Variants in FRMPD4 observed in about 807,000 individuals in gnomAD.
FRMPD4 encodes FERM and PDZ domain-containing protein 4.
FRMPD4 carries 22 observed loss-of-function variants against 94.1 expected under a neutral mutation model. That is an observed-to-expected ratio of 0.23 (90% CI 0.17 to 0.33). The LOEUF (loss-of-function observed/expected upper bound fraction) is 0.33, where lower values mean the gene tolerates loss of function less well. FRMPD4 is among the 10% of genes least tolerant of loss of function. The pLI is 1.00. For missense variants in FRMPD4, 1,111 were observed against 1,339.9 expected, an observed-to-expected ratio of 0.83 and a Z score of 2.67; for synonymous variants, 631 against 548.6, an observed-to-expected ratio of 1.15 and a Z score of -2.10.
intron 3 of FRMPD4, among the ~76,000 whole-genome samples, chrX:12,019,327 G>A (rs1172475899): frequency 1.8e-5 from 2 of 109,968 alleles, no homozygotes; most frequent in Non-Finnish European, 3.8e-5. Context: ...TTAATTCACA[G>A]CTAAACCACC....
chrX:12,203,003 C>T (rs999168384), intron 1 of FRMPD4, among the ~76,000 whole-genome samples: 1 of 111,940 alleles, frequency 8.9e-6, no homozygotes, highest in African/African-American at 3.3e-5. Flanking sequence ...GGCTTCCATA[C>T]TGTGAGAGAA....
chrX:12,373,346 T>C (rs910778403), intron 1 of FRMPD4: 2 of 112,324 alleles, frequency 1.8e-5, no homozygotes, highest in African/African-American at 6.5e-5. Flanking sequence ...CTCCCTTTTT[T>C]GCATTTTAAT....
chrX:11,956,921 T>G (rs1254794161), intron 3 of FRMPD4, among the ~76,000 whole-genome samples: 1 of 111,862 alleles, frequency 8.9e-6, no homozygotes, highest in Non-Finnish European at 1.9e-5. Context: ...CTAACTATAC[T>G]CACAAGAGGC....
chrX:12,521,771 T>C (rs1200090252), intron 2 of FRMPD4, among the ~76,000 whole-genome samples: 1 of 111,655 alleles, frequency 9.0e-6, no homozygotes, highest in Non-Finnish European at 1.9e-5. Flanking sequence ...AGTTTAAAGA[T>C]CTTCAGAATC....
intron 4 of FRMPD4, among the ~76,000 whole-genome samples, chrX:12,634,417 C>T (rs1295765199): frequency 3.6e-5 from 4 of 111,826 alleles, no homozygotes; most frequent in African/African-American, 9.7e-5. Context: ...GTTAAATCAA[C>T]GATATTAGAG....
At chrX:12,698,799 G>A (rs1043203668) in intron 9 of FRMPD4, among the ~76,000 whole-genome samples, 1 of 111,145 alleles carries the variant, frequency 9.0e-6, no homozygotes, top group African/African-American at 3.3e-5. Context: ...TAATAGTGAT[G>A]GCTAATCTTT....
rs781596223 is a variant in FRMPD4 at position 12,002,908 on chromosome X, G to A, written c.95+124890G>A. On this transcript the variant is annotated intron_variant, in intron 3 of 18. Transcript: ENST00000640291. ...CTTGCTGCTGTAGACACAAACTTCA[G>A]TAATCCCACTAACAGAGGAGGGAAT... 6.3e-5 allele frequency among the ~76,000 whole-genome samples: 7 copies of A among 111,528 alleles called. No homozygotes were observed. The South Asian group carries it at 2.3e-3, about 36-fold the overall frequency.
intron 1 of FRMPD4, among the ~76,000 whole-genome samples, chrX:12,309,437 A>T (rs766622600): frequency 8.9e-6 from 1 of 112,548 alleles, no homozygotes; most frequent in South Asian, 3.7e-4. Context: ...AAAATCTTTG[A>T]ACTTGTGTTT....
At chrX:12,438,381 T>C (rs17255865) in intron 1 of FRMPD4, among the ~76,000 whole-genome samples, 4,769 of 108,244 alleles carry the variant, frequency 0.044, 116 homozygotes, top group Non-Finnish European at 0.068. Flanking sequence ...AGTCCATTAA[T>C]GCAATTTGGG....
intron 3 of FRMPD4, among the ~76,000 whole-genome samples, chrX:12,027,251 C>T (rs1342979267): frequency 8.9e-6 from 1 of 112,239 alleles, no homozygotes; most frequent in Admixed American, 9.5e-5. Flanking sequence ...GCTTAAACTC[C>T]TTATGACTAA....
chrX:11,959,490 C>T (rs1401138977), intron 3 of FRMPD4, among the ~76,000 whole-genome samples: 1 of 112,200 alleles, frequency 8.9e-6, no homozygotes, highest in Admixed American at 9.4e-5. Flanking sequence ...GGCCATTTGA[C>T]ATCAAAAGGT....
intron 1 of FRMPD4, among the ~76,000 whole-genome samples, chrX:12,490,112 C>A (rs776135756): frequency 9.0e-6 from 1 of 111,423 alleles, no homozygotes; most frequent in East Asian, 2.8e-4. Context: ...ACATTCTATC[C>A]CACACAGCGG....
intron 5 of FRMPD4, among the ~76,000 whole-genome samples, chrX:12,680,101 C>G (rs918474148): frequency 3.6e-5 from 4 of 112,072 alleles, no homozygotes; most frequent in Non-Finnish European, 7.5e-5. Context: ...AATCTTATTT[C>G]TGTAATTTTT....
At chrX:12,220,449 A>G (rs1004245140) in intron 1 of FRMPD4, among the ~76,000 whole-genome samples, 2 of 112,136 alleles carry the variant, frequency 1.8e-5, no homozygotes, top group African/African-American at 6.5e-5. Flanking sequence ...AACAGATCAT[A>G]TAAAAAAACC....
At chrX:12,374,066 G>T (rs1308051156) in intron 1 of FRMPD4, among the ~76,000 whole-genome samples, 1 of 111,736 alleles carries the variant, frequency 8.9e-6, no homozygotes, top group Non-Finnish European at 1.9e-5. Context: ...CCTTTCCTTA[G>T]TTCTCCTGGA....
chrX:11,946,107 CT>C (rs2054187517), intron 3 of FRMPD4, among the ~76,000 whole-genome samples: 2 of 112,078 alleles, frequency 1.8e-5, no homozygotes, highest in Non-Finnish European at 1.9e-5. Flanking sequence ...TCTCCCAAAG[CT>C]TTAAAAAGTT....
intron 1 of FRMPD4, among the ~76,000 whole-genome samples, chrX:11,841,397 C>T (rs1417595771): frequency 1.8e-5 from 2 of 109,363 alleles, no homozygotes; most frequent in Non-Finnish European, 3.8e-5. Context: ...TCCACATCCT[C>T]TCCAGCACCT....
intron 1 of FRMPD4, among the ~76,000 whole-genome samples, chrX:11,830,495 C>A (rs1210777524): frequency 9.0e-6 from 1 of 111,637 alleles, no homozygotes; most frequent in Non-Finnish European, 1.9e-5. Flanking sequence ...TATTTGCTTC[C>A]ACTAAGTTGT....
At position 12,609,846 on chromosome X, in the gene FRMPD4, G is replaced by C. The variant is rs764908377; in HGVS notation, c.284G>C (p.Ser95Thr). 1 of 1,211,531 alleles carries C rather than the reference G, an allele frequency of 8.3e-7. No individual in the cohort carries two copies. The highest frequency in any genetic ancestry group is 1.8e-5 in the South Asian group (1 of 56,947). ...PVLGFGFVAG[S>T]EKPVVVRSVT... is the part of the protein sequence containing the mutation. ...CTGGGATTTGGTTTTGTGGCAGGCAGTGAAAAGCCAGTGGTCGTTCGCTCA... is the reference window on the plus strand; with the variant it reads ...CTGGGATTTGGTTTTGTGGCAGGCACTGAAAAGCCAGTGGTCGTTCGCTCA... Residue 95 changes from serine (S) to threonine (T), a missense_variant, in exon 3 of 17, where the codon AGT becomes ACT. Around this residue, in one of 8 missense-constraint regions of FRMPD4, gnomAD observed 140 missense variants for 165.9 expected, o/e 0.84. Transcript: ENST00000675598.
Sources: allele counts gnomAD v4.1 joint callset (sites outside exome capture counted in the v4.1 genomes callset), GRCh38; gene constraint gnomAD v4.1.1; regional missense constraint gnomAD v4.1.1; transcripts MANE v1.5; gene names NCBI Gene and HGNC (gene_info 2026-07-23, HGNC 2026-07-21).